Variants in COP1 observed in about 807,000 individuals in gnomAD.
COP1 encodes the protein E3 ubiquitin-protein ligase COP1.
COP1 carries 24 observed loss-of-function variants against 101.3 expected under a neutral mutation model. That is an observed-to-expected ratio of 0.24 (90% CI 0.17 to 0.33). The LOEUF is 0.33. COP1 is among the 10% of genes least tolerant of loss of function. The probability of loss-of-function intolerance (pLI) is 1.00; values close to 1 mark genes in which losing one functional copy is unlikely to be tolerated. For synonymous variants in COP1, 347 were observed against 341.9 expected (o/e 1.01, Z -0.17); for missense variants, 663 against 906.2 (o/e 0.73, Z 3.45).
intron 1 of COP1, among the ~76,000 whole-genome samples, chr1:176,186,852 G>A (rs754368739): frequency 1.6e-4 from 24 of 152,148 alleles, no homozygotes; most frequent in Non-Finnish European, 3.1e-4. Context: ...TAGGACTATG[G>A]TTTGCTGATA....
Position 176,168,299 on chromosome 1 carries a change from C to T in COP1, c.566-4408G>A, listed in dbSNP as rs528009008. Among the ~76,000 whole-genome samples, 5 of 151,608 alleles carry T rather than the reference C, an allele frequency of 3.3e-5. No homozygotes were observed. In the South Asian group the frequency reaches 1.0e-3, roughly 32 times the overall value. ...GTCTAGAACTCCTGACCTCGTGATC[C>T]GCCCGTGTCAGACTCTCAAAGTGCT... On this transcript the variant is annotated intron_variant, in intron 3 of 19. Coordinates refer to ENST00000367669, the MANE Select transcript of COP1 (RefSeq NM_022457.7).
At position 176,116,559 on chromosome 1, in the gene COP1, T is replaced by C. The variant is rs566524511; in HGVS notation, c.1026+65A>G. The C allele has an allele frequency of 5.3e-6, 7 of 1,322,768 alleles. 1 individual carries two copies. In the African/African-American group the frequency reaches 8.8e-5, roughly 17 times the overall value. 81.9% of individuals were successfully genotyped at this position (1,322,768 alleles called of 1,614,324 possible). On this transcript the variant is annotated intron_variant, in intron 9 of 19. Coordinates refer to ENST00000367669, the MANE Select transcript of COP1 (RefSeq NM_022457.7). ...GACAGGACATTTTAGTAAACTAATC[T>C]ATGATTTTATAACTCAGATAATTAT...
chr1:176,083,298 A>G (rs1293149209), intron 10 of COP1, among the ~76,000 whole-genome samples: 1 of 152,206 alleles, frequency 6.6e-6, no homozygotes, highest in Non-Finnish European at 1.5e-5. Flanking sequence ...AAAACTCACA[A>G]GCATTCAATA....
At chr1:176,105,819 C>G (rs1426712526) in intron 9 of COP1, among the ~76,000 whole-genome samples, 1 of 152,114 alleles carries the variant, frequency 6.6e-6, no homozygotes, top group Non-Finnish European at 1.5e-5. Context: ...CACCTGATTT[C>G]AGTAGTATCT....
chr1:176,074,648 C>T (rs1677638576), intron 11 of COP1, among the ~76,000 whole-genome samples: 1 of 152,020 alleles, frequency 6.6e-6, no homozygotes, highest in Non-Finnish European at 1.5e-5. Context: ...CCTCAGAATG[C>T]ACAATGTTTT....
At chr1:176,101,256 A>G (rs926603089) in intron 9 of COP1, among the ~76,000 whole-genome samples, 1 of 151,912 alleles carries the variant, frequency 6.6e-6, no homozygotes, top group African/African-American at 2.4e-5. Flanking sequence ...AAAGAGGAAC[A>G]CCTCACTTTC....
At chr1:176,150,363 A>G (rs1319117189) in intron 5 of COP1, among the ~76,000 whole-genome samples, 1 of 152,252 alleles carries the variant, frequency 6.6e-6, no homozygotes, top group Admixed American at 6.5e-5. Flanking sequence ...TTACAACTGA[A>G]TAAATTTCCA....
chr1:176,067,906 C>T (rs1280272049), intron 11 of COP1, among the ~76,000 whole-genome samples: 1 of 152,216 alleles, frequency 6.6e-6, no homozygotes, highest in African/African-American at 2.4e-5. Flanking sequence ...ATCTGCCTGT[C>T]TGTCCCCTCC....
At chr1:176,041,371 A>G (rs1670504111) in intron 14 of COP1, among the ~76,000 whole-genome samples, 1 of 38,678 alleles carries the variant, frequency 2.6e-5, no homozygotes, top group Non-Finnish European at 6.2e-5. Context: ...TTTTTGAGAC[A>G]GAGTCTCGCT....
At position 176,206,722 on chromosome 1, in the gene COP1, A is replaced by G. The variant is rs1431484004; in HGVS notation, c.257T>C (p.Leu86Pro). 1.2e-5 allele frequency: 19 copies of G among 1,584,860 alleles called. No homozygotes were observed. Among genetic ancestry groups the G allele is most frequent in the Non-Finnish European group, 1.6e-5 (19 of 1,171,964 alleles). The part of the protein sequence containing the change: ...GSGGGAVSTG[L>P]SRHSCAARPS... ...CCTGGCCGCGCAGCTGTGCCGGGACAGGCCCGTGGACACCGCCCCGCCGCC... is the reference window on the plus strand; with the variant it reads ...CCTGGCCGCGCAGCTGTGCCGGGACGGGCCCGTGGACACCGCCCCGCCGCC... The change falls in exon 1 of 20, where the codon CTG becomes CCG. Residue 86 changes from leucine to proline, a missense_variant. By Grantham distance (98) the Leu-to-Pro change is moderately conservative (BLOSUM62 -3). Transcript: ENST00000367669.
intron 15 of COP1, among the ~76,000 whole-genome samples, chr1:175,993,771 G>C (rs1659335491): frequency 6.6e-6 from 1 of 152,222 alleles, no homozygotes; most frequent in Admixed American, 6.5e-5. Flanking sequence ...CGTCTGATTG[G>C]TGTACCTGAA....
intron 9 of COP1, among the ~76,000 whole-genome samples, chr1:176,103,638 C>T (rs1683812961): frequency 6.6e-6 from 1 of 152,174 alleles, no homozygotes; most frequent in Non-Finnish European, 1.5e-5. Flanking sequence ...AATCTTGGAA[C>T]ATTACAAATT....
intron 15 of COP1, among the ~76,000 whole-genome samples, chr1:176,007,457 T>C (rs1179640643): frequency 6.6e-6 from 1 of 151,872 alleles, no homozygotes; most frequent in Non-Finnish European, 1.5e-5. Flanking sequence ...GTTCTGTTTT[T>C]TTCCCATCTT....
At chr1:176,205,800 C>T (rs1243391393) in intron 1 of COP1, among the ~76,000 whole-genome samples, 1 of 152,146 alleles carries the variant, frequency 6.6e-6, no homozygotes, top group East Asian at 1.9e-4. Flanking sequence ...AATGTCTATA[C>T]CTAGCATTTC....
intron 11 of COP1, among the ~76,000 whole-genome samples, chr1:176,064,830 C>T (rs1675630505): frequency 1.3e-5 from 2 of 151,544 alleles, no homozygotes; most frequent in African/African-American, 4.9e-5. Context: ...CACCATGTTG[C>T]CCAGACTGGT....
chr1:175,992,320 G>A (rs933765970), intron 15 of COP1, among the ~76,000 whole-genome samples: 2 of 152,210 alleles, frequency 1.3e-5, no homozygotes, highest in Admixed American at 1.3e-4. Flanking sequence ...AGTGAGCGAC[G>A]CAGAAGACGG....
chr1:176,031,261 T>C (rs1355995779), intron 14 of COP1, among the ~76,000 whole-genome samples: 3 of 152,186 alleles, frequency 2.0e-5, no homozygotes, highest in African/African-American at 7.2e-5. Flanking sequence ...GAAATCTATT[T>C]AATATCCTAA....
In COP1 at chr1:176,143,123, C is replaced by CGA. The variant is rs71129558; in HGVS notation, c.831+5881_831+5882dup. 1.1e-4 allele frequency among the ~76,000 whole-genome samples: 16 copies of CGA among 146,828 alleles called. No homozygotes were observed. In the East Asian group the frequency reaches 1.2e-3, roughly 11 times the overall value. ...GCAAGAATTGATCCAACAGAACAAG[C>CGA]GAGAGAGAGAGAGAGCGAGAGAAAG... On this transcript the variant is annotated intron_variant, in intron 6 of 19. Transcript: ENST00000367669.
At chr1:176,014,183 A>G (rs1262400132) in intron 15 of COP1, among the ~76,000 whole-genome samples, 1 of 152,242 alleles carries the variant, frequency 6.6e-6, no homozygotes, top group African/African-American at 2.4e-5. Context: ...AAGAGAATAC[A>G]TCTGACTACT....
Sources: allele counts gnomAD v4.1 joint callset (sites outside exome capture counted in the v4.1 genomes callset), GRCh38; gene constraint gnomAD v4.1.1; transcripts MANE v1.5; gene names NCBI Gene and HGNC (gene_info 2026-07-23, HGNC 2026-07-21).